SIPA1L1: variants seen among roughly 807,000 people sequenced by gnomAD.
The protein encoded by SIPA1L1 is signal-induced proliferation-associated 1-like protein 1.
In SIPA1L1, 26 loss-of-function variants were observed where a neutral mutation model predicts 162.7. The observed-to-expected ratio is 0.16, with a 90% CI of 0.12 to 0.22. The LOEUF is 0.22. Among genes scored for constraint, SIPA1L1 ranks in the 10% least tolerant of loss-of-function variants. The pLI, the probability that SIPA1L1 is intolerant of heterozygous loss-of-function variation, is 1.00. For synonymous variants in SIPA1L1, 829 were observed against 837.4 expected, an observed-to-expected ratio of 0.99 and a Z score of 0.17; for missense variants, 1,874 against 2,241.0, an observed-to-expected ratio of 0.84 and a Z score of 3.31.
At chr14:71,671,951 G>A (rs1409155372) in intron 11 of SIPA1L1, among the ~76,000 whole-genome samples, 2 of 146,474 alleles carry the variant, frequency 1.4e-5, no homozygotes, top group African/African-American at 2.5e-5. Context: ...GTGCGTTCAT[G>A]TTCAAAACCC....
At chr14:71,723,384 A>G (rs1041494919) in intron 17 of SIPA1L1, among the ~76,000 whole-genome samples, 1 of 152,226 alleles carries the variant, frequency 6.6e-6, no homozygotes, top group Non-Finnish European at 1.5e-5. Flanking sequence ...GAAAAAAGTG[A>G]AAAAAGTTGA....
intron 16 of SIPA1L1, among the ~76,000 whole-genome samples, chr14:71,708,015 G>GTTTTTTTTTTTTTGGTT (rs2082587666): frequency 1.0e-5 from 1 of 100,292 alleles, no homozygotes; most frequent in Admixed American, 1.1e-4. Context: ...GTTTTTTGGT[G>GTTTTTTTTTTTTTGGTT]TTTTTTTTTT....
intron 2 of SIPA1L1, among the ~76,000 whole-genome samples, chr14:71,495,650 T>G (rs911164881): frequency 6.6e-5 from 10 of 151,692 alleles, no homozygotes; most frequent in African/African-American, 2.4e-4. Flanking sequence ...CTCTAAACTT[T>G]AACTTCTTTC....
intron 2 of SIPA1L1, among the ~76,000 whole-genome samples, chr14:71,473,990 A>G (rs2047664191): frequency 6.6e-6 from 1 of 152,230 alleles, no homozygotes; most frequent in African/African-American, 2.4e-5. Context: ...TCCTGGGATT[A>G]TGTGGAACTT....
intron 3 of SIPA1L1, chr14:71,528,711 C>T (rs911409274): frequency 1.3e-5 from 2 of 152,114 alleles, no homozygotes; most frequent in African/African-American, 2.4e-5. Context: ...TTATAAATAG[C>T]AGTCCAGGGC....
chr14:71,642,448 GGCATTGAGTAGA>G (rs2041810574), intron 7 of SIPA1L1, among the ~76,000 whole-genome samples: 1 of 152,138 alleles, frequency 6.6e-6, no homozygotes, highest in Non-Finnish European at 1.5e-5. Context: ...TAATTGACAT[GGCATTGAGTAGA>G]GCCTCACAAT....
At chr14:71,349,846 GA>G (rs2036520981) in intron 2 of SIPA1L1, among the ~76,000 whole-genome samples, 1 of 152,188 alleles carries the variant, frequency 6.6e-6, no homozygotes, top group African/African-American at 2.4e-5. Context: ...AAGAGTGGGG[GA>G]AGCAGACGCA....
intron 2 of SIPA1L1, among the ~76,000 whole-genome samples, chr14:71,381,251 A>C (rs996209574): frequency 8.6e-5 from 13 of 151,998 alleles, no homozygotes; most frequent in Admixed American, 2.6e-4. Flanking sequence ...ACGGGGTTTC[A>C]CTGTGTTAGC....
chr14:71,357,483 C>T (rs1183217094), intron 2 of SIPA1L1, among the ~76,000 whole-genome samples: 2 of 152,178 alleles, frequency 1.3e-5, no homozygotes, highest in Admixed American at 6.5e-5. Flanking sequence ...GGGAAAAGCT[C>T]CTGGATTCCC....
chr14:71,534,481 A>T (rs2053717621), intron 4 of SIPA1L1, among the ~76,000 whole-genome samples: 1 of 152,228 alleles, frequency 6.6e-6, no homozygotes. Context: ...AAGGAGTTTT[A>T]TGCGTGATTA....
intron 4 of SIPA1L1, among the ~76,000 whole-genome samples, chr14:71,585,242 A>G (rs931224826): frequency 4.6e-5 from 7 of 152,058 alleles, no homozygotes; most frequent in African/African-American, 9.7e-5. Context: ...GTTATTTAAC[A>G]TAATTGCCCA....
At position 71,382,694 on chromosome 14, in the gene SIPA1L1, T is replaced by C. The variant is rs191370514; in HGVS notation, c.-465+61513T>C. Among the ~76,000 whole-genome samples, 57 of 152,308 alleles carry C rather than the reference T, an allele frequency of 3.7e-4. 1 individual carries two copies. The East Asian group carries it at 6.4e-3, about 17-fold the overall frequency. ...ATTAGGATGAATTGCTTGATAGATA[T>C]TATAGCACTTTTAAAAGCACCAGTC... On this transcript the variant is annotated intron_variant, in intron 2 of 23. Transcript: ENST00000381232.
At chr14:71,324,598 T>C (rs1044394999) in intron 2 of SIPA1L1, among the ~76,000 whole-genome samples, 1 of 152,232 alleles carries the variant, frequency 6.6e-6, no homozygotes, top group Non-Finnish European at 1.5e-5. Flanking sequence ...AAAGAAAATA[T>C]GAGTTAAAGT....
In SIPA1L1 at chr14:71,491,761, A is replaced by AC. The variant is rs2049277691; in HGVS notation, c.-464-20982_-464-20981insC. Among the ~76,000 whole-genome samples, 21 of 97,956 alleles carry AC rather than the reference A, an allele frequency of 2.1e-4. No individual in the cohort carries two copies. In the South Asian group the frequency reaches 5.8e-3, roughly 27 times the overall value. The allele number at this position is 97,956 out of a possible 152,430, so 64.3% of individuals were successfully genotyped here. A position where few individuals can be genotyped will look rare whatever the true frequency, so the allele number is the denominator to read the frequency against. ...GTTTCAGGCTTAATGTTTTATTTCA[A>AC]ACACACACACACACACACACACACA... On this transcript the variant is annotated intron_variant, in intron 2 of 23. Transcript: ENST00000381232.
chr14:71,322,174 C>T (rs1485659538), intron 2 of SIPA1L1, among the ~76,000 whole-genome samples: 1 of 152,182 alleles, frequency 6.6e-6, no homozygotes, highest in Admixed American at 6.5e-5. Flanking sequence ...GGCGTTTCCT[C>T]TATAAAGCAA....
intron 12 of SIPA1L1, among the ~76,000 whole-genome samples, chr14:71,679,253 A>G (rs1464879713): frequency 6.6e-6 from 1 of 152,230 alleles, no homozygotes; most frequent in Non-Finnish European, 1.5e-5. Flanking sequence ...AAACTCTACA[A>G]GCCAGTAGAA....
At chr14:71,558,045 A>G (rs1320345994) in intron 4 of SIPA1L1, among the ~76,000 whole-genome samples, 1 of 152,168 alleles carries the variant, frequency 6.6e-6, no homozygotes, top group African/African-American at 2.4e-5. Flanking sequence ...ATTCCAGGTG[A>G]CATAGGTAAA....
At chr14:71,579,618 G>A (rs1011043126) in intron 4 of SIPA1L1, among the ~76,000 whole-genome samples, 8 of 152,220 alleles carry the variant, frequency 5.3e-5, no homozygotes, top group African/African-American at 1.9e-4. Context: ...CTAAGGCAAT[G>A]TGGAGTAATT....
intron 7 of SIPA1L1, among the ~76,000 whole-genome samples, chr14:71,649,314 C>T (rs960876645): frequency 6.6e-6 from 1 of 151,672 alleles, no homozygotes; most frequent in Admixed American, 6.6e-5. Flanking sequence ...ACCTCAACCT[C>T]CCGAGTAGCT....
Sources: allele counts gnomAD v4.1 joint callset (sites outside exome capture counted in the v4.1 genomes callset), GRCh38; gene constraint gnomAD v4.1.1; transcripts MANE v1.5; gene names NCBI Gene and HGNC (gene_info 2026-07-23, HGNC 2026-07-21).